The following INIP variants were observed in gnomAD, a reference collection of about 807,000 sequenced individuals.
INIP encodes SOSS complex subunit C.
INIP carries 9 observed loss-of-function variants against 14.0 expected under a neutral mutation model. That is an observed-to-expected ratio of 0.64 (90% CI 0.39 to 1.12). The LOEUF (loss-of-function observed/expected upper bound fraction) is 1.12. Among genes scored for constraint, INIP ranks in the 50% most tolerant of loss-of-function variants. The pLI, the probability that INIP is intolerant of heterozygous loss-of-function variation, is 0.01. For synonymous variants in INIP, 37 were observed against 41.5 expected (o/e 0.89, Z 0.41); for missense variants, 78 against 122.7 (o/e 0.64, Z 1.72).
At chr9:112,708,706 A>ATT (rs572033110) in intron 2 of INIP, among the ~76,000 whole-genome samples, 1 of 151,430 alleles carries the variant, frequency 6.6e-6, no homozygotes, top group Non-Finnish European at 1.5e-5. Flanking sequence ...CATTTTCTTT[A>ATT]TTTTTTTTGA....
In INIP at chr9:112,685,296, T is replaced by C. The variant is rs2032886094; in HGVS notation, c.*2242A>G. On this transcript the variant is annotated 3_prime_UTR_variant, in exon 5 of 5. Coordinates refer to ENST00000374242, the MANE Select transcript of INIP (RefSeq NM_021218.3). Reference sequence around the variant, plus strand: ...AGTAGAGACAGGGGTCTCACTATGTTGCCTAGGCTGTGGCTTGCTTTATAA... The same window carrying C: ...AGTAGAGACAGGGGTCTCACTATGTCGCCTAGGCTGTGGCTTGCTTTATAA... The C allele has an allele frequency of 6.6e-6, 1 of 151,986 alleles. No homozygotes were observed. The highest frequency in any genetic ancestry group is 1.5e-5 in the Non-Finnish European group (1 of 68,068). The allele number at this position is 151,986 out of a possible 1,614,324, so 9.4% of individuals were successfully genotyped here.
At position 112,684,498 on chromosome 9, in the gene INIP, A is replaced by G. The variant is rs1837588144; in HGVS notation, c.*3040T>C. 1 of 152,256 alleles carries G rather than the reference A, an allele frequency of 6.6e-6. No individual in the cohort carries two copies. Among genetic ancestry groups the G allele is most frequent in the African/African-American group, 2.4e-5 (1 of 41,448 alleles). The allele number at this position is 152,256 out of a possible 1,614,324, so 9.4% of individuals were successfully genotyped here. On this transcript the variant is annotated 3_prime_UTR_variant, in exon 5 of 5. Transcript: ENST00000374242. ...AGCCCAGGGATTCAAGGAGTCTTGCAGTGAGCTATGATTATACCACTGCAC... is the reference window on the plus strand; with the variant it reads ...AGCCCAGGGATTCAAGGAGTCTTGCGGTGAGCTATGATTATACCACTGCAC...
intron 2 of INIP, among the ~76,000 whole-genome samples, chr9:112,705,319 T>A (rs72768405): frequency 0.17 from 26,175 of 151,572 alleles, 2,575 homozygotes; most frequent in Admixed American, 0.24. Context: ...TTTAAAAAAA[T>A]TTTTTTTGAG....
In INIP at chr9:112,686,876, G is replaced by A. The variant is rs1327941013; in HGVS notation, c.*662C>T. On this transcript the variant is annotated 3_prime_UTR_variant, in exon 5 of 5. Coordinates refer to ENST00000374242, the MANE Select transcript of INIP (RefSeq NM_021218.3). ...TTTATGTGGTAACACTAAATAAGAG[G>A]ATGTACAAATTAAAAACCTACCACA... is the stretch of plus-strand genomic sequence containing the variant. 1 of 152,160 alleles carries A rather than the reference G, an allele frequency of 6.6e-6. No individual in the cohort carries two copies. 9.4% of individuals were successfully genotyped at this position (152,160 alleles called of 1,614,324 possible).
rs554491675 is a variant in INIP at position 112,700,550 on chromosome 9, AATTAT to A, written c.26-6322_26-6318del. Among the ~76,000 whole-genome samples the A allele has an allele frequency of 2.7e-3, 393 of 147,270 alleles. 5 individuals are homozygous for A. The highest frequency in any genetic ancestry group is 8.5e-3 in the African/African-American group (344 of 40,642). ...ATATATATATATATTATATATACCT[AATTAT>A]ATTATATAATATATAATATAAAGAA... On this transcript the variant is annotated intron_variant, in intron 2 of 4. Transcript: ENST00000374242.
intron 3 of INIP, 51 bp from the exon 4 acceptor site, chr9:112,689,668 C>CT (rs748744427): frequency 5.9e-5 from 84 of 1,416,974 alleles, no homozygotes; most frequent in Non-Finnish European, 7.1e-5. Flanking sequence ...AACATCCTTA[C>CT]TTTTTTTTGG....
intron 2 of INIP, among the ~76,000 whole-genome samples, chr9:112,706,190 G>T (rs922616926): frequency 6.6e-6 from 1 of 152,192 alleles, no homozygotes; most frequent in African/African-American, 2.4e-5. Flanking sequence ...TTATCCAAAT[G>T]TCAGGCAATA....
At chr9:112,709,163 AC>A (rs1232103343) in intron 2 of INIP, among the ~76,000 whole-genome samples, 1 of 151,852 alleles carries the variant, frequency 6.6e-6, no homozygotes, top group East Asian at 1.9e-4. Flanking sequence ...GCTTGAATCA[AC>A]CTTTCTTCCC....
chr9:112,716,795 A>T lies in INIP; in HGVS notation c.-56-254T>A, dbSNP rs566084568. ...CCCAGTCTCTACTAAAAATAAAATT[A>T]AAAAAAAAAATCAGCCGGGTGTGGT... is the stretch of plus-strand genomic sequence containing the variant. On this transcript the variant is annotated intron_variant, in intron 1 of 4. Transcript: ENST00000374242. Among the ~76,000 whole-genome samples, 10 of 146,500 alleles carry T rather than the reference A, an allele frequency of 6.8e-5. No individual in the cohort carries two copies. The East Asian group carries it at 7.9e-4, about 12-fold the overall frequency.
intron 2 of INIP, among the ~76,000 whole-genome samples, chr9:112,709,122 T>G (rs1425999987): frequency 1.3e-5 from 2 of 151,988 alleles, no homozygotes; most frequent in African/African-American, 4.8e-5. Context: ...TTTCTACCCA[T>G]TGAGGTTTGT....
At position 112,709,403 on chromosome 9, in the gene INIP, G is replaced by A. The variant is rs1182877080; in HGVS notation, c.25+7058C>T. ...TGGGAAAACAGAATGAATAAGGAAC[G>A]TGGGACATGGAATCAACGTGGGTTC... On this transcript the variant is annotated intron_variant, in intron 2 of 4. Transcript: ENST00000374242. 3.3e-5 allele frequency among the ~76,000 whole-genome samples: 5 copies of A among 152,036 alleles called. No individual in the cohort carries two copies. In the East Asian group the frequency reaches 7.7e-4, roughly 23 times the overall value.
chr9:112,706,729 G>A (rs1278596467), intron 2 of INIP, among the ~76,000 whole-genome samples: 1 of 152,040 alleles, frequency 6.6e-6, no homozygotes, highest in Non-Finnish European at 1.5e-5. Flanking sequence ...GCACAAAGAT[G>A]TTTAATATAT....
At chr9:112,708,196 A>G (rs1257126147) in intron 2 of INIP, among the ~76,000 whole-genome samples, 2 of 152,272 alleles carry the variant, frequency 1.3e-5, no homozygotes, top group Admixed American at 1.3e-4. Flanking sequence ...AATGCTAAAT[A>G]AACTTGACCT....
At position 112,702,754 on chromosome 9, in the gene INIP, G is replaced by A. The variant is rs144801186; in HGVS notation, c.26-8521C>T. On this transcript the variant is annotated intron_variant, in intron 2 of 4. Coordinates refer to ENST00000374242, the MANE Select transcript of INIP (RefSeq NM_021218.3). ...TAATTTTTGTATTTTTAATAGAAAC[G>A]GAGTTTCAACATGTTGGCCAGGATG... Among the ~76,000 whole-genome samples the A allele has an allele frequency of 4.8e-4, 73 of 152,146 alleles. No homozygotes were observed. In the East Asian group the frequency reaches 0.012, roughly 25 times the overall value.
chr9:112,713,011 A>G (rs769370384), intron 2 of INIP, among the ~76,000 whole-genome samples: 1 of 152,224 alleles, frequency 6.6e-6, no homozygotes, highest in Non-Finnish European at 1.5e-5. Flanking sequence ...ACCATTAAGA[A>G]CACGAAAAGG....
chr9:112,702,504 G>C (rs1311836189), intron 2 of INIP, among the ~76,000 whole-genome samples: 2 of 152,142 alleles, frequency 1.3e-5, no homozygotes, highest in Non-Finnish European at 2.9e-5. Flanking sequence ...AGTGAGGGTG[G>C]CATGGGAAAG....
intron 2 of INIP, among the ~76,000 whole-genome samples, chr9:112,709,370 G>T (rs1838577862): frequency 6.6e-6 from 1 of 151,994 alleles, no homozygotes; most frequent in Admixed American, 6.6e-5. Flanking sequence ...CCCTACTGAA[G>T]GGCGGTATGG....
At chr9:112,714,052 C>T (rs1838730637) in intron 2 of INIP, among the ~76,000 whole-genome samples, 2 of 151,474 alleles carry the variant, frequency 1.3e-5, no homozygotes, top group African/African-American at 2.4e-5. Flanking sequence ...TTCACAACAG[C>T]CAAAACTGAG....
At chr9:112,696,622 C>A (rs1588077398) in intron 2 of INIP, among the ~76,000 whole-genome samples, 1 of 152,192 alleles carries the variant, frequency 6.6e-6, no homozygotes, top group Non-Finnish European at 1.5e-5. Context: ...CTGCTCGCCA[C>A]TTCAGACGCC....
Sources: gnomAD v4.1 joint callset for allele counts (sites outside exome capture counted in the v4.1 genomes callset) on GRCh38, gnomAD v4.1.1 for gene constraint, MANE v1.5 for transcripts, NCBI Gene and HGNC (gene_info 2026-07-23, HGNC 2026-07-21) for gene names.